Variants in MBP observed in about 807,000 individuals in gnomAD.
The protein encoded by MBP is myelin basic protein.
MBP carries 16 observed loss-of-function variants against 35.8 expected under a neutral mutation model. The observed-to-expected ratio is 0.45, with a 90% confidence interval of 0.30 to 0.68. The LOEUF (loss-of-function observed/expected upper bound fraction) is 0.68. MBP is among the 30% of genes least tolerant of loss of function. The probability of loss-of-function intolerance (pLI) is 0.08; values close to 1 mark genes in which losing one functional copy is unlikely to be tolerated. For synonymous variants in MBP, 143 were observed against 159.6 expected (o/e 0.90, Z 0.78); for missense variants, 380 against 404.7 (o/e 0.94, Z 0.52).
intron 2 of MBP, among the ~76,000 whole-genome samples, chr18:77,096,529 T>G (rs1975764318): frequency 6.6e-6 from 1 of 152,264 alleles, no homozygotes; most frequent in Middle Eastern, 3.4e-3. Context: ...ACTGTAAAAT[T>G]TACATATGAT....
intron 3 of MBP, among the ~76,000 whole-genome samples, chr18:77,064,893 A>G (rs928194904): frequency 3.3e-5 from 5 of 152,164 alleles, no homozygotes; most frequent in Non-Finnish European, 7.4e-5. Flanking sequence ...ATCTGAGCAC[A>G]TTTCATTCCA....
intron 3 of MBP, among the ~76,000 whole-genome samples, chr18:77,053,084 G>A (rs1432723660): frequency 3.3e-5 from 5 of 152,376 alleles, no homozygotes; most frequent in South Asian, 4.1e-4. Flanking sequence ...CCGTGTCCCC[G>A]TGATAGGCCA....
chr18:77,113,568 AG>A (rs1453220131), intron 1 of MBP: 1 of 152,656 alleles, frequency 6.6e-6, no homozygotes, highest in African/African-American at 2.4e-5. Context: ...GGAGACTTGC[AG>A]GATGCAGAAG....
intron 4 of MBP, among the ~76,000 whole-genome samples, chr18:76,997,960 G>A (rs1184121379): frequency 1.3e-5 from 2 of 152,190 alleles, no homozygotes; most frequent in African/African-American, 2.4e-5. Context: ...GGGATTACAG[G>A]CGTGAGCCAC....
In MBP at chr18:76,984,937, T is replaced by C. The variant is rs1599461792; in HGVS notation, c.751-43A>G. 1.9e-6 allele frequency: 3 copies of C among 1,606,746 alleles called. No individual in the cohort carries two copies. The East Asian group carries it at 6.7e-5, about 36-fold the overall frequency. ...GGAGCTCAACCTCCACCCGCGGTGC[T>C]GGGCACGCTGCTTGAGCCACTGGGA... is the stretch of plus-strand genomic sequence containing the variant. On this transcript the variant is annotated intron_variant, in intron 7 of 8. Coordinates refer to ENST00000355994, the MANE Select transcript of MBP (RefSeq NM_001025101.2).
At chr18:77,019,051 TCCATCCATCCATCCATCCA>T in intron 3 of MBP, among the ~76,000 whole-genome samples, 1 of 83,624 alleles carries the variant, frequency 1.2e-5, no homozygotes, top group East Asian at 3.5e-4. Context: ...CATCCATCCA[TCCATCCATCCATCCATCCA>T]TCCATCCATC....
intron 3 of MBP, among the ~76,000 whole-genome samples, chr18:77,023,667 C>T (rs543161302): frequency 1.2e-4 from 18 of 152,280 alleles, no homozygotes; most frequent in Admixed American, 6.5e-4. Flanking sequence ...TGTTCTCCTC[C>T]GTGGCGCCAT....
At chr18:77,024,510 C>T (rs1399604032) in intron 3 of MBP, among the ~76,000 whole-genome samples, 2 of 152,250 alleles carry the variant, frequency 1.3e-5, no homozygotes, top group Non-Finnish European at 2.9e-5. Flanking sequence ...TTTATCCTTT[C>T]CTAAAGTCCA....
intron 3 of MBP, among the ~76,000 whole-genome samples, chr18:77,051,099 T>A (rs1226033221): frequency 6.6e-6 from 1 of 152,168 alleles, no homozygotes; most frequent in Non-Finnish European, 1.5e-5. Context: ...TAACATAGCA[T>A]GTAAGATTCT....
chr18:77,087,889 G>A (rs1407082038), intron 2 of MBP, among the ~76,000 whole-genome samples: 1 of 152,074 alleles, frequency 6.6e-6, no homozygotes, highest in African/African-American at 2.4e-5. Flanking sequence ...GGAGGCCACC[G>A]CTGACACCCC....
chr18:77,067,221 T>G (rs1278183450), intron 2 of MBP, among the ~76,000 whole-genome samples: 1 of 152,226 alleles, frequency 6.6e-6, no homozygotes, highest in Non-Finnish European at 1.5e-5. Flanking sequence ...CCCCGCCCCC[T>G]TCTGGGAGGC....
intron 4 of MBP, among the ~76,000 whole-genome samples, chr18:77,007,753 A>C (rs960589228): frequency 1.2e-4 from 19 of 152,232 alleles, no homozygotes; most frequent in African/African-American, 4.3e-4. Context: ...GGAAGCCTGC[A>C]GACTTTTAAC....
At chr18:76,992,876 GC>G (rs1385719166) in intron 4 of MBP, among the ~76,000 whole-genome samples, 1 of 152,046 alleles carries the variant, frequency 6.6e-6, no homozygotes, top group East Asian at 1.9e-4. Context: ...CTATGCCCTG[GC>G]CCCGACCATC....
intron 4 of MBP, chr18:77,013,894 C>A: frequency 4.1e-6 from 4 of 985,422 alleles, no homozygotes; most frequent in Non-Finnish European, 4.8e-6. Context: ...CTAATGTTTC[C>A]AGGCTCTGCC....
intron 3 of MBP, among the ~76,000 whole-genome samples, chr18:77,063,186 C>CT (rs1386781685): frequency 6.6e-6 from 1 of 152,182 alleles, no homozygotes; most frequent in Admixed American, 6.6e-5. Context: ...ACAGCCAAGA[C>CT]TAATAGCCAA....
intron 4 of MBP, chr18:77,015,812 T>G: frequency 1.0e-6 from 1 of 985,480 alleles, no homozygotes; most frequent in Non-Finnish European, 1.2e-6. Context: ...TATGATTGCA[T>G]GTTATCAGAA....
At position 77,074,314 on chromosome 18, in the gene MBP, C is replaced by CGGTCTCAAGGGGGTTCAGTGAGCCCG. The variant is rs1472036465; in HGVS notation, c.52-7955_52-7930dup. 3.7e-3 allele frequency among the ~76,000 whole-genome samples: 562 copies of CGGTCTCAAGGGGGTTCAGTGAGCCCG among 149,888 alleles called. 5 individuals carry two copies. The highest frequency in any genetic ancestry group is 0.013 in the African/African-American group (518 of 40,792). On this transcript the variant is annotated intron_variant, in intron 2 of 8. Coordinates refer to ENST00000355994, the MANE Select transcript of MBP (RefSeq NM_001025101.2). ...CTCCCCAAGGGGGTTCAGTGAGCCCCGGTCTCAAGGGGGTTCAGTGAGCCC... is the reference window on the plus strand; with the variant it reads ...CTCCCCAAGGGGGTTCAGTGAGCCCCGGTCTCAAGGGGGTTCAGTGAGCCCGGGTCTCAAGGGGGTTCAGTGAGCCC...
At chr18:77,009,682 C>T (rs1184936489) in intron 4 of MBP, among the ~76,000 whole-genome samples, 1 of 152,260 alleles carries the variant, frequency 6.6e-6, no homozygotes, top group Non-Finnish European at 1.5e-5. Flanking sequence ...AGCTGCTTTT[C>T]CCTGGGGGAG....
intron 7 of MBP, 81 bp from the exon 8 acceptor site, chr18:76,984,975 G>A: frequency 1.3e-6 from 2 of 1,584,830 alleles, no homozygotes; most frequent in East Asian, 4.5e-5. Context: ...TGCCACCAGG[G>A]CCCCGGGGAA....
Sources: allele counts gnomAD v4.1 joint callset (sites outside exome capture counted in the v4.1 genomes callset), GRCh38; gene constraint gnomAD v4.1.1; transcripts MANE v1.5; gene names NCBI Gene and HGNC (gene_info 2026-07-23, HGNC 2026-07-21).